ZNF385A: variants seen among roughly 807,000 people sequenced by gnomAD.
The protein encoded by ZNF385A is hematopoietic zinc finger protein.
ZNF385A carries 14 observed loss-of-function variants against 32.1 expected under a neutral mutation model. The observed-to-expected ratio is 0.44, with a 90% CI of 0.29 to 0.68. The LOEUF (loss-of-function observed/expected upper bound fraction) is 0.68, where lower values mean the gene tolerates loss of function less well. Ranked by LOEUF, ZNF385A falls within the 30% of genes least tolerant of loss-of-function variation. The probability of loss-of-function intolerance (pLI) is 0.14; values close to 1 mark genes in which losing one functional copy is unlikely to be tolerated. For synonymous variants in ZNF385A, 197 were observed against 202.7 expected (o/e 0.97, Z 0.24); for missense variants, 406 against 478.4 (o/e 0.85, Z 1.41).
chr12:54,376,087 C>T (rs1483828831), intron 1 of ZNF385A, 133 bp from the exon 2 acceptor site: 11 of 668,356 alleles, frequency 1.6e-5, no homozygotes, highest in Admixed American at 9.7e-5. Flanking sequence ...GGGATCTGAG[C>T]CTCAGTCTTC....
At chr12:54,381,971 C>G (rs1955203536) in intron 1 of ZNF385A, among the ~76,000 whole-genome samples, 1 of 152,164 alleles carries the variant, frequency 6.6e-6, no homozygotes, top group South Asian at 2.1e-4. Context: ...AAACTATGAG[C>G]TCCCCAAGTG....
chr12:54,370,134 GGGT>G lies in ZNF385A; in HGVS notation c.*119_*121del. 2 of 774,976 alleles carry G rather than the reference GGGT, an allele frequency of 2.6e-6. No individual in the cohort carries two copies. The highest frequency in any genetic ancestry group is 3.7e-6 in the Non-Finnish European group (2 of 544,486). The allele number at this position is 774,976 out of a possible 1,614,324, so 48.0% of individuals were successfully genotyped here. ...CCCTTTCCTGGAACCCCGTATCTCGGGGTGGGGGGGGGGAAGGAGAGATCATTT... is the reference window on the plus strand; with the variant it reads ...CCCTTTCCTGGAACCCCGTATCTCGGGGGGGGGGGGAAGGAGAGATCATTT... On this transcript the variant is annotated 3_prime_UTR_variant, in exon 7 of 7. Coordinates refer to ENST00000394313, the MANE Select transcript of ZNF385A (RefSeq NM_015481.3). The surrounding 1 kb of genome is among the most constrained non-coding windows in gnomAD (Gnocchi z 5.5).
Position 54,374,276 on chromosome 12 carries a change from T to C in ZNF385A, c.199-141A>G, listed in dbSNP as rs1954722797. 5.4e-6 allele frequency: 4 copies of C among 737,028 alleles called. No individual in the cohort carries two copies. In the South Asian group the frequency reaches 2.1e-4, roughly 39 times the overall value. The allele number at this position is 737,028 out of a possible 1,614,324, so 45.7% of individuals were successfully genotyped here. A position where few individuals can be genotyped will look rare whatever the true frequency, so the allele number is the denominator to read the frequency against. On this transcript the variant is annotated intron_variant, in intron 2 of 6. Transcript: ENST00000394313. ...TACACCAGTGAGATGTAAAGCCCCA[T>C]ACCAATAAGTCCTGGTTATTCCTGG...
At chr12:54,385,638 T>C (rs1025585946), upstream of ZNF385A, 3 of 985,494 alleles carry the variant, frequency 3.0e-6, no homozygotes, top group Admixed American at 6.1e-5. Flanking sequence ...CCAGGATCCC[T>C]TCCTGTTCCC....
chr12:54,370,234 T>A lies in ZNF385A; in HGVS notation c.*22A>T. ...TCCCGGCTGGAGGTGGGGAGTTGAATGGGAGGGGTTCAGGGTTGAGGTCAG... is the reference window on the plus strand; with the variant it reads ...TCCCGGCTGGAGGTGGGGAGTTGAAAGGGAGGGGTTCAGGGTTGAGGTCAG... On this transcript the variant is annotated 3_prime_UTR_variant, in exon 7 of 7. Transcript: ENST00000394313. This position sits in a 1 kb window ranked among gnomAD's most constrained non-coding sequence, Gnocchi z 5.5. 2 of 1,403,366 alleles carry A rather than the reference T, an allele frequency of 1.4e-6. No individual in the cohort carries two copies. Among genetic ancestry groups the A allele is most frequent in the Non-Finnish European group, 1.9e-6 (2 of 1,074,084 alleles). The allele number at this position is 1,403,366 out of a possible 1,614,324, so 86.9% of individuals were successfully genotyped here.
Position 54,384,478 on chromosome 12 carries a change from A to G in ZNF385A, c.37T>C (p.Phe13Leu). The part of the protein sequence containing the change: ...PPLDLKQILP[F>L]PLEPAPTLGL... Reference sequence around the variant, plus strand: ...AGGGTAGGGGCTGGCTCGAGTGGGAAGGGCAGGATCTGCTTGAGGTCCAGT... The same window carrying G: ...AGGGTAGGGGCTGGCTCGAGTGGGAGGGGCAGGATCTGCTTGAGGTCCAGT... Residue 13 changes from phenylalanine to leucine, a missense_variant, in exon 1 of 7, where the codon TTC becomes CTC. Phe to Leu is a conservative substitution (Grantham distance 22, BLOSUM62 0). Coordinates refer to ENST00000394313, the MANE Select transcript of ZNF385A (RefSeq NM_015481.3). 6.3e-7 allele frequency: 1 copy of G among 1,587,920 alleles called. No homozygotes were observed.
At chr12:54,372,111 C>T (rs1050364924) in intron 3 of ZNF385A, among the ~76,000 whole-genome samples, 3 of 152,078 alleles carry the variant, frequency 2.0e-5, no homozygotes, top group Non-Finnish European at 2.9e-5. Flanking sequence ...AGGAAGTACA[C>T]GAAAGAGCCC....
intron 1 of ZNF385A, among the ~76,000 whole-genome samples, chr12:54,376,504 G>A (rs1214091815): frequency 6.6e-6 from 1 of 152,154 alleles, no homozygotes; most frequent in Non-Finnish European, 1.5e-5. Context: ...ACACTCTCTG[G>A]ACCTCTTAAG....
chr12:54,371,724 G>A lies in ZNF385A; in HGVS notation c.362-9C>T, dbSNP rs774495792. ...TCCATTCTCCATGGAAACTGTTGTT[G>A]GGGGAGAAACATGGGGATCACCCTA... On this transcript the variant is annotated splice_polypyrimidine_tract_variant and intron_variant, in intron 3 of 6. Coordinates refer to ENST00000394313, the MANE Select transcript of ZNF385A (RefSeq NM_015481.3). The A allele has an allele frequency of 4.3e-5, 70 of 1,611,180 alleles. No homozygotes were observed. Among genetic ancestry groups the A allele is most frequent in the Middle Eastern group, 1.7e-4 (1 of 5,890 alleles).
intron 1 of ZNF385A, among the ~76,000 whole-genome samples, chr12:54,380,155 G>A (rs557547444): frequency 2.4e-4 from 36 of 152,296 alleles, no homozygotes; most frequent in Admixed American, 2.4e-3. Context: ...GCCCAAGTAG[G>A]AGAGAGCACT....
chr12:54,383,015 A>G (rs1307421369), intron 1 of ZNF385A, among the ~76,000 whole-genome samples: 3 of 152,022 alleles, frequency 2.0e-5, no homozygotes, highest in African/African-American at 7.2e-5. Context: ...TACAAAAATT[A>G]GCTGGGCATG....
intron 4 of ZNF385A, 90 bp downstream of exon 4, chr12:54,371,383 T>G: frequency 6.6e-7 from 1 of 1,520,814 alleles, no homozygotes; most frequent in Non-Finnish European, 8.8e-7. Context: ...TTAGATGGTC[T>G]AGGGATGTTG....
chr12:54,383,262 C>A (rs1338446250), intron 1 of ZNF385A, among the ~76,000 whole-genome samples: 2 of 152,198 alleles, frequency 1.3e-5, no homozygotes, highest in African/African-American at 4.8e-5. Flanking sequence ...CTCTTCCAAC[C>A]CTCTGCCTCT....
upstream of ZNF385A, among the ~76,000 whole-genome samples, chr12:54,387,816 A>G (rs1404752613): frequency 2.6e-5 from 4 of 152,218 alleles, no homozygotes; most frequent in African/African-American, 9.6e-5. Flanking sequence ...GGCCAAGGTC[A>G]CACAGTTAGT....
At chr12:54,384,966 C>A (rs867987570), upstream of ZNF385A, 1 of 990,766 alleles carries the variant, frequency 1.0e-6, no homozygotes, top group African/African-American at 1.7e-5. Flanking sequence ...AGCTTGGTAT[C>A]GCCCCAGGAA....
At chr12:54,373,100 C>A in intron 3 of ZNF385A, 1 of 169,612 alleles carries the variant, frequency 5.9e-6, no homozygotes, top group Non-Finnish European at 1.3e-5. Context: ...CCCACTCACT[C>A]TGACTGTGCA....
chr12:54,370,527 G>A lies in ZNF385A; in HGVS notation c.871-41C>T. The A allele has an allele frequency of 6.5e-7, 1 of 1,550,346 alleles. No homozygotes were observed. Among genetic ancestry groups the A allele is most frequent in the Non-Finnish European group, 8.7e-7 (1 of 1,146,302 alleles). On this transcript the variant is annotated intron_variant, in intron 6 of 6. Transcript: ENST00000394313. The surrounding 1 kb of genome is among the most constrained non-coding windows in gnomAD (Gnocchi z 5.5). ...GGCGGAGGAAGAGAAGTCACCCGGC[G>A]GTCCTGCAAACCCCACCTCTCCCTG...
chr12:54,377,475 C>A (rs879772349), intron 1 of ZNF385A, among the ~76,000 whole-genome samples: 14 of 152,122 alleles, frequency 9.2e-5, no homozygotes, highest in Non-Finnish European at 2.1e-4. Context: ...TCAATCTGTG[C>A]ATGGGTGGAG....
chr12:54,371,798 C>T (rs942862238), intron 3 of ZNF385A, 83 bp from the exon 4 acceptor site: 1 of 1,580,100 alleles, frequency 6.3e-7, no homozygotes, highest in African/African-American at 1.4e-5. Flanking sequence ...CCCCCCATTT[C>T]CTGGAGGGCA....
Sources: gnomAD v4.1 joint callset for allele counts (sites outside exome capture counted in the v4.1 genomes callset) on GRCh38, gnomAD v4.1.1 for gene constraint, Gnocchi (gnomAD v3.1) non-coding constraint, MANE v1.5 for transcripts, NCBI Gene and HGNC (gene_info 2026-07-23, HGNC 2026-07-21) for gene names.